The following COX5A variants were observed in gnomAD, a reference collection of about 807,000 sequenced individuals.
The protein encoded by COX5A is cytochrome c oxidase subunit 5A, mitochondrial.
COX5A carries 6 observed loss-of-function variants against 16.1 expected under a neutral mutation model. The ratio of observed to expected loss-of-function variants is 0.37; its 90% CI spans 0.20 to 0.73. COX5A has a LOEUF of 0.73. COX5A is among the 30% of genes least tolerant of loss of function. The pLI, the probability that COX5A is intolerant of heterozygous loss-of-function variation, is 0.50. For missense variants in COX5A, 159 were observed against 194.9 expected, an observed-to-expected ratio of 0.82 and a Z score of 1.10; for synonymous variants, 73 against 73.8, an observed-to-expected ratio of 0.99 and a Z score of 0.06.
intron 1 of COX5A, among the ~76,000 whole-genome samples, chr15:74,936,173 C>G (rs540344639): frequency 6.6e-6 from 1 of 152,114 alleles, no homozygotes; most frequent in African/African-American, 2.4e-5. Flanking sequence ...TGCCTGTAAC[C>G]CCAGCTACTC....
At chr15:74,927,322 G>A (rs909640010) in intron 2 of COX5A, among the ~76,000 whole-genome samples, 1 of 151,822 alleles carries the variant, frequency 6.6e-6, no homozygotes, top group South Asian at 2.1e-4. Context: ...GATTACAGGC[G>A]GGTGCCACCA....
chr15:74,926,927 G>A (rs368149029), intron 2 of COX5A, 40 bp from the exon 3 acceptor site: 3 of 1,599,240 alleles, frequency 1.9e-6, no homozygotes, highest in African/African-American at 2.7e-5. Context: ...ACCTCGAAGA[G>A]CCTCACTTAA....
intron 4 of COX5A, among the ~76,000 whole-genome samples, chr15:74,921,008 T>C (rs201136436): frequency 1.3e-5 from 2 of 152,102 alleles, no homozygotes; most frequent in East Asian, 3.9e-4. Flanking sequence ...GAAAAAAAGT[T>C]AGTATAGCTA....
chr15:74,924,937 T>C (rs1357707591), intron 3 of COX5A, among the ~76,000 whole-genome samples: 1 of 152,170 alleles, frequency 6.6e-6, no homozygotes, highest in African/African-American at 2.4e-5. Context: ...TGAGAATACA[T>C]ATGTCCAGGG....
intron 4 of COX5A, among the ~76,000 whole-genome samples, chr15:74,923,122 T>C (rs2065329148): frequency 6.6e-6 from 1 of 152,112 alleles, no homozygotes; most frequent in Non-Finnish European, 1.5e-5. Flanking sequence ...TATTTGTCTT[T>C]CTACCAGTAA....
intron 2 of COX5A, among the ~76,000 whole-genome samples, chr15:74,928,445 C>T (rs2065352949): frequency 2.0e-5 from 3 of 151,826 alleles, no homozygotes; most frequent in South Asian, 4.2e-4. Flanking sequence ...AGTGCAGTGG[C>T]GCGATCTCGG....
chr15:74,920,297 T>C lies in COX5A; in HGVS notation c.*155A>G. ...TAATTTCAGTTCAAACTCATTTCCC[T>C]TTTATTAAAGTCCAAGTTACCATTA... On this transcript the variant is annotated 3_prime_UTR_variant, in exon 5 of 5. Coordinates refer to ENST00000322347, the MANE Select transcript of COX5A (RefSeq NM_004255.4). 1 of 643,600 alleles carries C rather than the reference T, an allele frequency of 1.6e-6. No homozygotes were observed. The highest frequency in any genetic ancestry group is 1.8e-5 in the South Asian group (1 of 55,488). The allele number at this position is 643,600 out of a possible 1,614,324, so 39.9% of individuals were successfully genotyped here.
intron 1 of COX5A, among the ~76,000 whole-genome samples, chr15:74,932,198 CTTAG>C (rs2065370478): frequency 6.6e-6 from 1 of 152,294 alleles, no homozygotes; most frequent in East Asian, 1.9e-4. Flanking sequence ...CTAAAAACGT[CTTAG>C]TTGTCTATTT....
At position 74,926,771 on chromosome 15, in the gene COX5A, C is replaced by A; in HGVS notation, c.334G>T (p.Val112Phe). 2 of 1,609,062 alleles carry A rather than the reference C, an allele frequency of 1.2e-6. No individual in the cohort carries two copies. Among genetic ancestry groups the A allele is most frequent in the Admixed American group, 1.7e-5 (1 of 58,868 alleles). ...FASTVRILEV[V>F]KDKAGPHKEI... Reference sequence around the variant, plus strand: ...AGCATTATTATTTCACTGACCTTAACAACCTCTAGGATACGAACTGTACTA... The same window carrying A: ...AGCATTATTATTTCACTGACCTTAAAAACCTCTAGGATACGAACTGTACTA... Residue 112 changes from valine (V) to phenylalanine (F), a missense_variant, in exon 3 of 5, where the codon GTT becomes TTT. Coordinates refer to ENST00000322347, the MANE Select transcript of COX5A (RefSeq NM_004255.4).
At chr15:74,934,256 TTAAAA>T (rs1352706237) in intron 1 of COX5A, among the ~76,000 whole-genome samples, 1 of 151,914 alleles carries the variant, frequency 6.6e-6, no homozygotes, top group Non-Finnish European at 1.5e-5. Flanking sequence ...ATCAAACAAA[TTAAAA>T]TAAATAAAAA....
chr15:74,922,228 T>C (rs2141269624), intron 4 of COX5A, among the ~76,000 whole-genome samples: 1 of 151,718 alleles, frequency 6.6e-6, no homozygotes, highest in Admixed American at 6.6e-5. Flanking sequence ...CTACTAAAAA[T>C]ACAAAAATTA....
At chr15:74,936,956 G>T (rs1293344091) in intron 1 of COX5A, among the ~76,000 whole-genome samples, 1 of 152,124 alleles carries the variant, frequency 6.6e-6, no homozygotes, top group Non-Finnish European at 1.5e-5. Flanking sequence ...TTTAACTTCA[G>T]CATACCCTGA....
At chr15:74,924,372 A>G (rs1022219047) in intron 3 of COX5A, among the ~76,000 whole-genome samples, 1 of 151,966 alleles carries the variant, frequency 6.6e-6, no homozygotes, top group African/African-American at 2.4e-5. Flanking sequence ...CCCCGTCTCT[A>G]CTAAAAATAC....
Position 74,923,294 on chromosome 15 carries a change from T to C in COX5A, c.*9+354A>G, listed in dbSNP as rs990445172. ...CAAAAATTAGCCAGTTGTGGTGGCA[T>C]GTGGCCTGTAGTCCCAGCTACTTGG... is the stretch of plus-strand genomic sequence containing the variant. On this transcript the variant is annotated intron_variant, in intron 4 of 4. Coordinates refer to ENST00000322347, the MANE Select transcript of COX5A (RefSeq NM_004255.4). 5.9e-5 allele frequency among the ~76,000 whole-genome samples: 9 copies of C among 151,940 alleles called. No individual in the cohort carries two copies. The East Asian group carries it at 1.4e-3, about 23-fold the overall frequency.
chr15:74,926,736 G>C, intron 3 of COX5A, 30 bp downstream of exon 3: 1 of 1,592,228 alleles, frequency 6.3e-7, no homozygotes, highest in Non-Finnish European at 8.5e-7. Context: ...CTCATTTACA[G>C]AACAATTTTA....
Position 74,923,108 on chromosome 15 carries a change from C to T in COX5A, c.*9+540G>A, listed in dbSNP as rs1177755434. 3.3e-5 allele frequency among the ~76,000 whole-genome samples: 5 copies of T among 152,014 alleles called. No individual in the cohort carries two copies. The East Asian group carries it at 7.7e-4, about 23-fold the overall frequency. On this transcript the variant is annotated intron_variant, in intron 4 of 4. Coordinates refer to ENST00000322347, the MANE Select transcript of COX5A (RefSeq NM_004255.4). The stretch of plus-strand genomic sequence containing the variant: ...GAAGATTTTTCTTTAATTAAGGTGG[C>T]TTTTATTTGTCTTTCTACCAGTAAG...
intron 1 of COX5A, among the ~76,000 whole-genome samples, chr15:74,935,866 AGGC>A (rs2065387702): frequency 6.6e-6 from 1 of 151,824 alleles, no homozygotes; most frequent in African/African-American, 2.4e-5. Flanking sequence ...CTGGGATTAC[AGGC>A]GTGAGCCACC....
chr15:74,926,499 G>GA (rs57676926), intron 3 of COX5A, among the ~76,000 whole-genome samples: 224 of 127,654 alleles, frequency 1.8e-3, no homozygotes, highest in African/African-American at 6.1e-3. Flanking sequence ...AAAAAAGAAA[G>GA]AAAAAAAAAA....
At chr15:74,931,297 T>C (rs897847429) in intron 1 of COX5A, among the ~76,000 whole-genome samples, 3 of 151,978 alleles carry the variant, frequency 2.0e-5, no homozygotes, top group Non-Finnish European at 4.4e-5. Flanking sequence ...GTTCAGGAGT[T>C]TGTGACCAGC....
Sources: allele counts gnomAD v4.1 joint callset (sites outside exome capture counted in the v4.1 genomes callset), GRCh38; gene constraint gnomAD v4.1.1; transcripts MANE v1.5; gene names NCBI Gene and HGNC (gene_info 2026-07-23, HGNC 2026-07-21).